The following PRKG1 variants were observed in gnomAD, a reference collection of about 807,000 sequenced individuals.
The protein encoded by PRKG1 is protein kinase cGMP-dependent 1.
Under a neutral mutation model 88.1 loss-of-function variants are expected in PRKG1, and 35 were observed. That is an observed-to-expected ratio of 0.40 (90% CI 0.30 to 0.53). The LOEUF is 0.53. Among genes scored for constraint, PRKG1 ranks in the 20% least tolerant of loss-of-function variants. PRKG1 has a pLI of 0.59. For missense variants in PRKG1, 540 were observed against 839.8 expected, an observed-to-expected ratio of 0.64 and a Z score of 4.41; for synonymous variants, 303 against 292.5, an observed-to-expected ratio of 1.04 and a Z score of -0.37.
At chr10:51,025,676 T>C (rs537613728) in intron 1 of PRKG1, among the ~76,000 whole-genome samples, 2 of 152,306 alleles carry the variant, frequency 1.3e-5, no homozygotes, top group Non-Finnish European at 2.9e-5. Context: ...TAGATCTCGA[T>C]GCAGCCACCT....
chr10:51,156,416 T>C (rs925438271), intron 2 of PRKG1, among the ~76,000 whole-genome samples: 2 of 151,996 alleles, frequency 1.3e-5, no homozygotes, highest in East Asian at 1.9e-4. Context: ...TGCTTCACGA[T>C]AATTTTAATA....
intron 2 of PRKG1, among the ~76,000 whole-genome samples, chr10:51,428,477 A>G (rs1838660889): frequency 6.6e-6 from 1 of 152,224 alleles, no homozygotes. Flanking sequence ...CCTCCACCCA[A>G]AAATAAATTT....
chr10:51,964,233 A>T (rs1180365245), intron 5 of PRKG1, among the ~76,000 whole-genome samples: 1 of 152,140 alleles, frequency 6.6e-6, no homozygotes, highest in East Asian at 1.9e-4. Context: ...CCACCTCAAG[A>T]TTCTTAATCA....
At chr10:51,617,402 G>A (rs1309440801) in intron 3 of PRKG1, among the ~76,000 whole-genome samples, 1 of 152,034 alleles carries the variant, frequency 6.6e-6, no homozygotes, top group Non-Finnish European at 1.5e-5. Flanking sequence ...ACTGGTGGTA[G>A]CAGCAGGGTG....
At chr10:52,162,051 A>G in intron 9 of PRKG1, 88 bp downstream of exon 9, 13 of 1,111,510 alleles carry the variant, frequency 1.2e-5, no homozygotes, top group Middle Eastern at 2.9e-4. Context: ...ACACATCCCA[A>G]CACTCTGACA....
At chr10:51,757,861 T>C (rs1837910444) in intron 3 of PRKG1, among the ~76,000 whole-genome samples, 2 of 152,336 alleles carry the variant, frequency 1.3e-5, no homozygotes, top group South Asian at 4.1e-4. Flanking sequence ...GCTTATATTG[T>C]TTTTCTGTTG....
intron 5 of PRKG1, among the ~76,000 whole-genome samples, chr10:51,984,460 T>C (rs1844097581): frequency 6.6e-6 from 1 of 152,302 alleles, no homozygotes; most frequent in East Asian, 1.9e-4. Context: ...AGTGATATTT[T>C]AATAATGTTT....
intron 2 of PRKG1, among the ~76,000 whole-genome samples, chr10:51,239,029 G>A (rs377335122): frequency 9.2e-5 from 14 of 151,700 alleles, no homozygotes; most frequent in African/African-American, 3.4e-4. Context: ...AGAATTTGAG[G>A]TTATAACAAC....
At chr10:50,997,451 T>C (rs1469883947) in intron 1 of PRKG1, among the ~76,000 whole-genome samples, 3 of 150,168 alleles carry the variant, frequency 2.0e-5, no homozygotes, top group Admixed American at 6.6e-5. Context: ...ACAAAAGATG[T>C]CGTATCTTTT....
intron 2 of PRKG1, among the ~76,000 whole-genome samples, chr10:51,427,110 A>C (rs1010569749): frequency 2.6e-5 from 4 of 152,196 alleles, no homozygotes. Flanking sequence ...TAGCTCCAAG[A>C]ATAAATTAAT....
intron 4 of PRKG1, among the ~76,000 whole-genome samples, chr10:51,868,784 G>T (rs962332264): frequency 5.9e-5 from 9 of 152,072 alleles, no homozygotes; most frequent in Non-Finnish European, 8.8e-5. Context: ...AAGCCCAAAG[G>T]CCTGTATTAA....
intron 2 of PRKG1, among the ~76,000 whole-genome samples, chr10:51,218,257 A>G (rs74133541): frequency 0.04 from 6,147 of 151,978 alleles, 422 homozygotes; most frequent in African/African-American, 0.14. Flanking sequence ...GTTTTGTAAC[A>G]AAAACGTTGC....
chr10:51,566,947 A>C (rs1207091366), intron 3 of PRKG1, among the ~76,000 whole-genome samples: 1 of 151,846 alleles, frequency 6.6e-6, no homozygotes, highest in African/African-American at 2.4e-5. Flanking sequence ...AGAGAGAGAG[A>C]GAAAGAAAAA....
chr10:51,327,225 G>A (rs1435379670), intron 2 of PRKG1, among the ~76,000 whole-genome samples: 2 of 151,948 alleles, frequency 1.3e-5, no homozygotes, highest in Non-Finnish European at 2.9e-5. Flanking sequence ...GAGCAGCCTG[G>A]CCAACATGAA....
intron 2 of PRKG1, among the ~76,000 whole-genome samples, chr10:51,279,687 C>G (rs1296097502): frequency 2.6e-5 from 4 of 152,146 alleles, no homozygotes; most frequent in African/African-American, 9.7e-5. Flanking sequence ...TTATCAGAGA[C>G]TAGGATTGCA....
In PRKG1 at chr10:51,325,312, G is replaced by A. The variant is rs113275363; in HGVS notation, c.479-142411G>A. 2.0e-3 allele frequency among the ~76,000 whole-genome samples: 297 copies of A among 152,250 alleles called. 2 individuals carry two copies. The highest frequency in any genetic ancestry group is 6.9e-3 in the African/African-American group (287 of 41,550). On this transcript the variant is annotated intron_variant, in intron 2 of 17. Coordinates refer to ENST00000373980, the MANE Select transcript of PRKG1 (RefSeq NM_006258.4). ...GTCTCGCTCTGTCACCCAGGCTGGAGTACAATGGTGTGATCTCAGCTCACT... is the reference window on the plus strand; with the variant it reads ...GTCTCGCTCTGTCACCCAGGCTGGAATACAATGGTGTGATCTCAGCTCACT...
intron 2 of PRKG1, among the ~76,000 whole-genome samples, chr10:51,276,377 G>A (rs1238405540): frequency 3.3e-5 from 5 of 152,130 alleles, no homozygotes; most frequent in Non-Finnish European, 4.4e-5. Context: ...TTGGACATTT[G>A]GGTTGGTTCC....
intron 3 of PRKG1, among the ~76,000 whole-genome samples, chr10:51,774,023 G>A (rs1182275602): frequency 6.6e-6 from 1 of 152,056 alleles, no homozygotes; most frequent in Non-Finnish European, 1.5e-5. Flanking sequence ...CTGTTAATAT[G>A]TGCAAGACAC....
Position 51,568,171 on chromosome 10 carries a change from T to C in PRKG1, c.592+100335T>C, listed in dbSNP as rs185296921. 2.2e-3 allele frequency among the ~76,000 whole-genome samples: 328 copies of C among 146,656 alleles called. 2 individuals carry two copies. Among genetic ancestry groups the C allele is most frequent in the African/African-American group, 8.5e-3 (314 of 37,060 alleles). On this transcript the variant is annotated intron_variant, in intron 3 of 17. Transcript: ENST00000373980. ...TAGGTATTTTCATTTCTTTCCCATG[T>C]TGAACAATCTTCACCCTTATGTATT... is the stretch of plus-strand genomic sequence containing the variant.
Sources: gnomAD v4.1 joint callset for allele counts (sites outside exome capture counted in the v4.1 genomes callset) on GRCh38, gnomAD v4.1.1 for gene constraint, MANE v1.5 for transcripts, NCBI Gene and HGNC (gene_info 2026-07-23, HGNC 2026-07-21) for gene names.